PDXDC1: variants seen among roughly 807,000 people sequenced by gnomAD.
PDXDC1 encodes the protein pyridoxal-dependent decarboxylase domain-containing protein 1.
In PDXDC1, 42 loss-of-function variants were observed where a neutral mutation model predicts 100.1. That is an observed-to-expected ratio of 0.42 (90% CI 0.33 to 0.54). The LOEUF is 0.54. PDXDC1 is among the 20% of genes least tolerant of loss of function. The pLI is 0.10. For synonymous variants in PDXDC1, 260 were observed against 371.7 expected (o/e 0.70, Z 3.46); for missense variants, 636 against 979.2 (o/e 0.65, Z 4.68).
chr16:15,073,202 C>T, intron 16 of PDXDC1: 2 of 1,124,804 alleles, frequency 1.8e-6, no homozygotes, highest in South Asian at 1.4e-5. Flanking sequence ...ACAGTGGCTC[C>T]TGCCTGCAAT....
chr16:15,149,354 G>A, the PDXDC1 span, among the ~76,000 whole-genome samples: 2 of 152,308 alleles, frequency 1.3e-5, no homozygotes, highest in East Asian at 1.9e-4. Flanking sequence ...AGCCCTCGAG[G>A]GTGGCCCTCC....
chr16:15,087,290 A>G (rs2045947170), intron 16 of PDXDC1, among the ~76,000 whole-genome samples: 1 of 152,216 alleles, frequency 6.6e-6, no homozygotes, highest in Non-Finnish European at 1.5e-5. Context: ...CTGACACTCC[A>G]CATATATATC....
At chr16:15,093,178 T>C (rs1222823617) in intron 16 of PDXDC1, among the ~76,000 whole-genome samples, 3 of 152,182 alleles carry the variant, frequency 2.0e-5, no homozygotes, top group Non-Finnish European at 2.9e-5. Flanking sequence ...CTGATTTTTG[T>C]ATTTTCAGTA....
At chr16:15,008,386 T>G (rs1451140956) in intron 6 of PDXDC1, among the ~76,000 whole-genome samples, 1 of 152,294 alleles carries the variant, frequency 6.6e-6, no homozygotes, top group Non-Finnish European at 1.5e-5. Context: ...AATAAGATAC[T>G]GTTCTTTGAA....
intron 12 of PDXDC1, among the ~76,000 whole-genome samples, chr16:15,021,012 G>A (rs1454399379): frequency 7.4e-6 from 1 of 135,598 alleles, no homozygotes; most frequent in Non-Finnish European, 1.7e-5. Context: ...ACACACACAC[G>A]AAAAGTATTT....
chr16:15,141,814 G>A (rs1382743096), downstream of PDXDC1, among the ~76,000 whole-genome samples: 1 of 152,322 alleles, frequency 6.6e-6, no homozygotes, highest in Admixed American at 6.5e-5. Flanking sequence ...GACAGGGTGA[G>A]GCAGCTGGAC....
At chr16:15,101,999 C>A (rs890929544) in intron 16 of PDXDC1, among the ~76,000 whole-genome samples, 4 of 152,020 alleles carry the variant, frequency 2.6e-5, no homozygotes, top group African/African-American at 9.7e-5. Context: ...CAGGTGCGTG[C>A]CACCATGCCT....
rs2043567421 is a variant in PDXDC1, at chr16:15,037,750, C to CGATAGACCAGTGAGAG, written c.*1477_*1492dup. On this transcript the variant is annotated 3_prime_UTR_variant, in exon 23 of 23. Transcript: ENST00000396410. ...TTACCCACGTACCTGAAATAGCTGC[C>CGATAGACCAGTGAGAG]GATAGACCAGTGAGAGGTAGGTTCT... 3.3e-6 allele frequency: 1 copy of CGATAGACCAGTGAGAG among 304,062 alleles called. No individual in the cohort carries two copies. The highest frequency in any genetic ancestry group is 6.0e-6 in the Non-Finnish European group (1 of 167,338). The allele number at this position is 304,062 out of a possible 1,614,324, so 18.8% of individuals were successfully genotyped here.
At chr16:15,005,307 A>AC in intron 5 of PDXDC1, among the ~76,000 whole-genome samples, 1 of 147,360 alleles carries the variant, frequency 6.8e-6, no homozygotes, top group Admixed American at 7.1e-5. Flanking sequence ...TCTGTCTCAA[A>AC]AAAAAAAAAA....
intron 16 of PDXDC1, chr16:15,094,767 C>T (rs1036571679): frequency 1.3e-5 from 2 of 157,706 alleles, no homozygotes; most frequent in African/African-American, 4.8e-5. Flanking sequence ...AGCCTCAAGG[C>T]TATGGTGATG....
At chr16:14,988,094 C>G (rs1416780745) in intron 1 of PDXDC1, among the ~76,000 whole-genome samples, 1 of 152,118 alleles carries the variant, frequency 6.6e-6, no homozygotes, top group Non-Finnish European at 1.5e-5. Flanking sequence ...CTCATTCCTT[C>G]CAATGCAAAC....
intron 1 of PDXDC1, among the ~76,000 whole-genome samples, chr16:14,994,522 A>G (rs1971544714): frequency 6.6e-6 from 1 of 152,304 alleles, no homozygotes; most frequent in South Asian, 2.1e-4. Context: ...TACCAGTACC[A>G]TGCTGTTTTG....
chr16:15,148,300 C>T, the PDXDC1 span, among the ~76,000 whole-genome samples: 6 of 151,240 alleles, frequency 4.0e-5, 1 homozygote, highest in South Asian at 6.3e-4. Flanking sequence ...CTAATGAGGC[C>T]GACCATCTTC....
intron 16 of PDXDC1, chr16:15,055,814 C>T (rs1341249845): frequency 2.6e-6 from 2 of 779,496 alleles, no homozygotes; most frequent in Admixed American, 4.4e-5. Flanking sequence ...AAGTCTGTGT[C>T]GCGTGAGGGG....
At chr16:15,150,204 C>A in the PDXDC1 span, among the ~76,000 whole-genome samples, 1 of 152,008 alleles carries the variant, frequency 6.6e-6, no homozygotes, top group South Asian at 2.1e-4. Context: ...ATTAGCTGGG[C>A]ATGGTGGCGG....
intron 16 of PDXDC1, among the ~76,000 whole-genome samples, chr16:15,100,164 CTAATGG>C (rs2046489827): frequency 6.6e-6 from 1 of 152,142 alleles, no homozygotes; most frequent in Admixed American, 6.5e-5. Context: ...TTATGCTCAA[CTAATGG>C]TTTGCAAATG....
chr16:15,085,541 C>T (rs1390916124), intron 16 of PDXDC1: 1 of 1,549,952 alleles, frequency 6.5e-7, no homozygotes, highest in Non-Finnish European at 8.8e-7. Flanking sequence ...TGGTCTCAAA[C>T]TCTTGGCCTC....
intron 16 of PDXDC1, chr16:15,126,655 ATT>A (rs1162300755): frequency 3.2e-4 from 36 of 113,790 alleles, no homozygotes; most frequent in Admixed American, 8.3e-4. Flanking sequence ...TCTTTGTGGG[ATT>A]TTTTTTTTTT....
rs557279241 is a variant in PDXDC1 at position 15,131,766 on chromosome 16, G to A, written c.1400-7113G>A. Reference sequence around the variant, plus strand: ...GGAGGCAGAGGGAGGGTGGGGGCAGGCAAAAAGGGGGAGCCGGAGGGTGGG... The same window carrying A: ...GGAGGCAGAGGGAGGGTGGGGGCAGACAAAAAGGGGGAGCCGGAGGGTGGG... On this transcript the variant is annotated intron_variant, in intron 16 of 16. Transcript: ENST00000535621. 3.8e-4 allele frequency: 121 copies of A among 315,148 alleles called. No homozygotes were observed. The African/African-American group carries it at 5.4e-3, about 14-fold the overall frequency. 19.5% of individuals were successfully genotyped at this position (315,148 alleles called of 1,614,324 possible). A position where few individuals can be genotyped will look rare whatever the true frequency, so the allele number is the denominator to read the frequency against.
Sources: gnomAD v4.1 joint callset for allele counts (sites outside exome capture counted in the v4.1 genomes callset) on GRCh38, gnomAD v4.1.1 for gene constraint, MANE v1.5 for transcripts, NCBI Gene and HGNC (gene_info 2026-07-23, HGNC 2026-07-21) for gene names.